Variants in CDC20B observed in about 807,000 individuals in gnomAD.
CDC20B encodes the protein cell division cycle protein 20 homolog B.
Under a neutral mutation model 64.1 loss-of-function variants are expected in CDC20B, and 58 were observed. The observed-to-expected ratio is 0.90, with a 90% CI of 0.73 to 1.13. The LOEUF (loss-of-function observed/expected upper bound fraction) is 1.13. Ranked by LOEUF, CDC20B falls within the 50% of genes most tolerant of loss-of-function variation. The probability of loss-of-function intolerance (pLI) is 0.00; values close to 1 mark genes in which losing one functional copy is unlikely to be tolerated. For missense variants in CDC20B, 597 were observed against 633.0 expected (o/e 0.94, Z 0.61); for synonymous variants, 243 against 230.6 (o/e 1.05, Z -0.49).
chr5:55,115,753 G>C (rs139932263), intron 11 of CDC20B, among the ~76,000 whole-genome samples: 10 of 152,158 alleles, frequency 6.6e-5, no homozygotes, highest in Admixed American at 5.2e-4. Flanking sequence ...CTGATACAAG[G>C]TTCTCAGCAG....
In CDC20B at chr5:55,126,475, A is replaced by AAAAAAAAAAAAC. The variant is rs1231881518; in HGVS notation, c.989+781_989+782insGTTTTTTTTTTT. The AAAAAAAAAAAAC allele has an allele frequency of 1.7e-5, 5 of 295,800 alleles. 1 individual carries two copies. The highest frequency in any genetic ancestry group is 1.2e-4 in the African/African-American group (5 of 41,632). 18.3% of individuals were successfully genotyped at this position (295,800 alleles called of 1,614,324 possible). A position where few individuals can be genotyped will look rare whatever the true frequency, so the allele number is the denominator to read the frequency against. On this transcript the variant is annotated intron_variant, in intron 8 of 11. Coordinates refer to ENST00000381375, the MANE Select transcript of CDC20B (RefSeq NM_001170402.1). ...GAGTGAGATTCCATGTCAAAAAAAAAAAAAAAAAAAAACAGTCTTTGGGAT... is the reference window on the plus strand; with the variant it reads ...GAGTGAGATTCCATGTCAAAAAAAAAAAAAAAAAAAACAAAAAAAAAAAACAGTCTTTGGGAT...
intron 2 of CDC20B, among the ~76,000 whole-genome samples, chr5:55,150,800 A>T (rs980177966): frequency 1.3e-5 from 2 of 152,068 alleles, no homozygotes; most frequent in Non-Finnish European, 2.9e-5. Context: ...GCTGGAGTGC[A>T]GCGGCACAAT....
At chr5:55,144,828 G>C (rs1422611256) in intron 3 of CDC20B, among the ~76,000 whole-genome samples, 2 of 152,180 alleles carry the variant, frequency 1.3e-5, no homozygotes, top group East Asian at 3.9e-4. Flanking sequence ...TCTGTCCACA[G>C]AGCATGACTG....
intron 2 of CDC20B, among the ~76,000 whole-genome samples, chr5:55,167,510 A>G (rs1286807613): frequency 6.6e-6 from 1 of 152,132 alleles, no homozygotes; most frequent in South Asian, 2.1e-4. Context: ...ATGCTCCCTC[A>G]TGGTCAATTT....
chr5:55,114,787 G>A lies in CDC20B; in HGVS notation c.1460-469C>T, dbSNP rs983639291. 6.6e-6 allele frequency among the ~76,000 whole-genome samples: 1 copy of A among 152,094 alleles called. No homozygotes were observed. The highest frequency in any genetic ancestry group is 2.4e-5 in the African/African-American group (1 of 41,390). On this transcript the variant is annotated intron_variant, in intron 11 of 11. Coordinates refer to ENST00000381375, the MANE Select transcript of CDC20B (RefSeq NM_001170402.1). This position sits in a 1 kb window ranked among gnomAD's most constrained non-coding sequence, Gnocchi z 4.1. Reference sequence around the variant, plus strand: ...CTTCTGTGTGTCTTTTCTCCTCTGTGTGTCTCTCACAAGGATACTTGCCAT... The same window carrying A: ...CTTCTGTGTGTCTTTTCTCCTCTGTATGTCTCTCACAAGGATACTTGCCAT...
intron 11 of CDC20B, among the ~76,000 whole-genome samples, chr5:55,115,327 A>G (rs1580333380): frequency 1.3e-5 from 2 of 152,344 alleles, no homozygotes; most frequent in South Asian, 2.1e-4. Flanking sequence ...TGAGTTAAGA[A>G]AATTAAACAT....
chr5:55,160,387 T>C, intron 2 of CDC20B: 1 of 1,610,896 alleles, frequency 6.2e-7, no homozygotes, highest in Non-Finnish European at 8.5e-7. Context: ...TGGAAAAGTA[T>C]AAAGGCAAAG....
intron 11 of CDC20B, among the ~76,000 whole-genome samples, chr5:55,115,507 C>T (rs1039714559): frequency 6.6e-6 from 1 of 152,048 alleles, no homozygotes; most frequent in Non-Finnish European, 1.5e-5. Flanking sequence ...AAAATCTGGC[C>T]CAATCCAACA....
At chr5:55,158,024 T>A (rs906030573) in intron 2 of CDC20B, among the ~76,000 whole-genome samples, 1 of 152,184 alleles carries the variant, frequency 6.6e-6, no homozygotes, top group African/African-American at 2.4e-5. Context: ...ACATCCACTA[T>A]GGAAAACAAA....
intron 2 of CDC20B, among the ~76,000 whole-genome samples, chr5:55,162,595 A>G (rs1744136064): frequency 6.6e-6 from 1 of 152,250 alleles, no homozygotes; most frequent in Non-Finnish European, 1.5e-5. Flanking sequence ...TTCTAAAAAC[A>G]TTATATTTAA....
intron 11 of CDC20B, among the ~76,000 whole-genome samples, chr5:55,119,330 A>G (rs1045123259): frequency 6.6e-6 from 1 of 152,080 alleles, no homozygotes; most frequent in East Asian, 1.9e-4. Flanking sequence ...TTCTCTCAAG[A>G]AGTACCCAGT....
At chr5:55,144,624 C>T (rs1404780860) in intron 3 of CDC20B, among the ~76,000 whole-genome samples, 1 of 152,178 alleles carries the variant, frequency 6.6e-6, no homozygotes, top group Non-Finnish European at 1.5e-5. Context: ...TTAGATCTTG[C>T]TCTTTGTCCT....
intron 5 of CDC20B, among the ~76,000 whole-genome samples, chr5:55,139,189 G>C (rs1327866151): frequency 6.6e-6 from 1 of 152,040 alleles, no homozygotes; most frequent in African/African-American, 2.4e-5. Context: ...AACAGCAACA[G>C]TGGATACTAG....
chr5:55,169,769 A>G lies in CDC20B; in HGVS notation c.126+2819T>C, dbSNP rs994417192. 5.0e-4 allele frequency among the ~76,000 whole-genome samples: 76 copies of G among 152,338 alleles called. 1 individual carries two copies. The highest frequency in any genetic ancestry group is 1.8e-3 in the African/African-American group (74 of 41,576). On this transcript the variant is annotated intron_variant, in intron 2 of 11. Coordinates refer to ENST00000381375, the MANE Select transcript of CDC20B (RefSeq NM_001170402.1). ...TACCTCAACTTTCCCTTCAGTTGGT[A>G]CACACACAGTCATGGCTATAGAAAC... is the stretch of plus-strand genomic sequence containing the variant.
intron 2 of CDC20B, 142 bp downstream of exon 2, chr5:55,172,446 A>AT: frequency 1.3e-5 from 8 of 627,030 alleles, no homozygotes; most frequent in Non-Finnish European, 1.9e-5. Context: ...TCATAAAGAA[A>AT]TTTTTTTTAG....
chr5:55,151,948 AAGTTGAGGTGAGG>A (rs756597778), intron 2 of CDC20B, among the ~76,000 whole-genome samples: 3 of 152,248 alleles, frequency 2.0e-5, no homozygotes, highest in Non-Finnish European at 4.4e-5. Context: ...GGATGAAGTT[AAGTTGAGGTGAGG>A]AGACTATTGT....
chr5:55,169,353 G>A (rs150577590), intron 2 of CDC20B, among the ~76,000 whole-genome samples: 238 of 152,278 alleles, frequency 1.6e-3, no homozygotes, highest in East Asian at 0.014. Flanking sequence ...TAGAGAATGC[G>A]AAATATTTCT....
At chr5:55,138,398 T>A (rs773079313) in intron 5 of CDC20B, among the ~76,000 whole-genome samples, 6 of 152,166 alleles carry the variant, frequency 3.9e-5, no homozygotes, top group Non-Finnish European at 8.8e-5. Context: ...TGGTTTCAAG[T>A]GATCCACTGC....
rs553818054 is a variant in CDC20B at position 55,143,760 on chromosome 5, G to A, written c.356-117C>T. On this transcript the variant is annotated intron_variant, in intron 3 of 11. Coordinates refer to ENST00000381375, the MANE Select transcript of CDC20B (RefSeq NM_001170402.1). ...ACAGAGTGAAAAAGCCCAGGCTCTC[G>A]TCACTCCAAAGTCCATTGCAGAGAG... 6.1e-5 allele frequency: 61 copies of A among 997,534 alleles called. No homozygotes were observed. The African/African-American group carries it at 7.9e-4, about 13-fold the overall frequency. The allele number at this position is 997,534 out of a possible 1,614,324, so 61.8% of individuals were successfully genotyped here.
Sources: gnomAD v4.1 joint callset for allele counts (sites outside exome capture counted in the v4.1 genomes callset) on GRCh38, gnomAD v4.1.1 for gene constraint, Gnocchi (gnomAD v3.1) non-coding constraint, MANE v1.5 for transcripts, NCBI Gene and HGNC (gene_info 2026-07-23, HGNC 2026-07-21) for gene names.